Variants in CFH observed in about 807,000 individuals in gnomAD.
The protein encoded by CFH is complement factor H.
CFH carries 53 observed loss-of-function variants against 147.3 expected under a neutral mutation model. The ratio of observed to expected loss-of-function variants is 0.36; its 90% CI spans 0.29 to 0.45. The LOEUF is 0.45. Among genes scored for constraint, CFH ranks in the 20% least tolerant of loss-of-function variants. CFH has a pLI of 1.00. For missense variants in CFH, 1,380 were observed against 1,498.0 expected, an observed-to-expected ratio of 0.92 and a Z score of 1.30; for synonymous variants, 536 against 489.4, an observed-to-expected ratio of 1.10 and a Z score of -1.26.
intron 9 of CFH, among the ~76,000 whole-genome samples, chr1:196,709,133 A>G (rs1668664258): frequency 1.3e-5 from 2 of 152,156 alleles, no homozygotes; most frequent in Admixed American, 1.3e-4. Context: ...ACCAAACTAA[A>G]GAAAATATTT....
intron 9 of CFH, among the ~76,000 whole-genome samples, chr1:196,711,339 T>C (rs985698527): frequency 6.6e-6 from 1 of 152,150 alleles, no homozygotes; most frequent in Non-Finnish European, 1.5e-5. Context: ...ACTGCTCTAG[T>C]GCCATTCCAC....
chr1:196,685,815 C>T (rs537623632), intron 7 of CFH, among the ~76,000 whole-genome samples: 1 of 152,186 alleles, frequency 6.6e-6, no homozygotes, highest in East Asian at 1.9e-4. Flanking sequence ...TAAATGGCAG[C>T]TTTCTCCAGC....
intron 11 of CFH, among the ~76,000 whole-genome samples, chr1:196,719,213 T>C (rs536776455): frequency 6.6e-6 from 1 of 152,180 alleles, no homozygotes; most frequent in Non-Finnish European, 1.5e-5. Flanking sequence ...TTTTGTAAGT[T>C]ATTACCTCTA....
At chr1:196,697,130 G>A (rs1668300389) in intron 9 of CFH, among the ~76,000 whole-genome samples, 1 of 152,146 alleles carries the variant, frequency 6.6e-6, no homozygotes, top group Non-Finnish European at 1.5e-5. Flanking sequence ...AAAAGCAATG[G>A]CAACACAAGC....
Position 196,677,592 on chromosome 1 carries a change from T to C in CFH, c.544T>C (p.Tyr182His). 1 of 1,613,356 alleles carries C rather than the reference T, an allele frequency of 6.2e-7. No individual in the cohort carries two copies. The highest frequency in any genetic ancestry group is 8.5e-7 in the Non-Finnish European group (1 of 1,179,488). ...AGTACGGTTTGTATGTAACTCAGGC[T>C]ACAAGATTGAAGGAGATGAAGAAAT... ...QAVRFVCNSG[Y>H]KIEGDEEMHC... Residue 182 changes from tyrosine to histidine, a missense_variant, in exon 5 of 22, where the codon TAC becomes CAC. Physicochemically the swap from Tyr to His is moderately conservative, Grantham distance 83 (BLOSUM62 2). Around this residue, in one of 4 missense-constraint regions of CFH, gnomAD observed 260 missense variants for 263.3 expected, o/e 0.99. Transcript: ENST00000367429.
chr1:196,697,812 A>G (rs1241641497), intron 9 of CFH, among the ~76,000 whole-genome samples: 5 of 152,108 alleles, frequency 3.3e-5, no homozygotes. Context: ...ACACCATAGA[A>G]TACTATGCAG....
At chr1:196,734,198 C>G (rs1406285219) in intron 15 of CFH, among the ~76,000 whole-genome samples, 2 of 152,072 alleles carry the variant, frequency 1.3e-5, no homozygotes, top group Non-Finnish European at 2.9e-5. Context: ...CATTGTGTTG[C>G]AACTTTTCTT....
intron 9 of CFH, among the ~76,000 whole-genome samples, chr1:196,700,109 AT>A (rs1253714310): frequency 1.3e-5 from 2 of 152,182 alleles, no homozygotes; most frequent in Non-Finnish European, 2.9e-5. Flanking sequence ...TTAGGGAAGA[AT>A]GTACTTTCCA....
chr1:196,704,432 T>C (rs974420018), intron 9 of CFH, among the ~76,000 whole-genome samples: 20 of 152,154 alleles, frequency 1.3e-4, no homozygotes, highest in Admixed American at 6.5e-5. Context: ...CCAAACTAAA[T>C]GCTAAGATTA....
Position 196,676,016 on chromosome 1 carries a change from C to T in CFH, c.378C>T (p.Tyr126=). The T allele has an allele frequency of 1.9e-6, 3 of 1,610,550 alleles. No homozygotes were observed. The highest frequency in any genetic ancestry group is 2.2e-5 in the East Asian group (1 of 44,702). The change falls in exon 4 of 22, where the codon TAC becomes TAT. Residue 126 remains tyrosine, a synonymous_variant. Transcript: ENST00000367429. ...EGYQLLGEIN[Y]RECDTDGWTN... ...ATCAATTGCTAGGTGAGATTAATTA[C>T]CGTGAATGTGACACAGATGGATGGA...
intron 4 of CFH, 38 bp downstream of exon 4, chr1:196,676,103 A>T (rs373961921): frequency 8.1e-7 from 1 of 1,239,854 alleles, no homozygotes; most frequent in Admixed American, 1.8e-5. Flanking sequence ...ATTGAAATAA[A>T]TATCTAAGAT....
At chr1:196,737,919 G>T (rs2149113671) in intron 17 of CFH, among the ~76,000 whole-genome samples, 1 of 152,160 alleles carries the variant, frequency 6.6e-6, no homozygotes, top group African/African-American at 2.4e-5. Flanking sequence ...TTCTCATGCT[G>T]CCATAAAGAA....
chr1:196,662,843 T>G (rs1472120377), intron 1 of CFH, among the ~76,000 whole-genome samples: 1 of 151,890 alleles, frequency 6.6e-6, no homozygotes, highest in Non-Finnish European at 1.5e-5. Context: ...ATCACACCAC[T>G]GCACTCCAGC....
intron 21 of CFH, among the ~76,000 whole-genome samples, chr1:196,746,732 TA>T (rs1442713364): frequency 2.6e-5 from 4 of 152,206 alleles, no homozygotes; most frequent in Non-Finnish European, 5.9e-5. Flanking sequence ...TTATTAGCTC[TA>T]AATATCACTA....
chr1:196,726,737 ACT>A (rs1491366146), intron 13 of CFH, 22 bp from the exon 14 acceptor site: 26 of 1,612,684 alleles, frequency 1.6e-5, no homozygotes, highest in Admixed American at 5.0e-5. Flanking sequence ...TTCACAATAA[ACT>A]TTTTTTGTAA....
intron 11 of CFH, among the ~76,000 whole-genome samples, chr1:196,718,656 A>G (rs1286713125): frequency 6.6e-6 from 1 of 152,088 alleles, no homozygotes; most frequent in Non-Finnish European, 1.5e-5. Context: ...AGAAGCTTTT[A>G]CAATTTTGAG....
chr1:196,747,435 A>G lies in CFH; in HGVS notation c.*122A>G, dbSNP rs533206495. 6 of 1,195,708 alleles carry G rather than the reference A, an allele frequency of 5.0e-6. No homozygotes were observed. The Admixed American group carries it at 1.2e-4, about 24-fold the overall frequency. 74.1% of individuals were successfully genotyped at this position (1,195,708 alleles called of 1,614,324 possible). A position where few individuals can be genotyped will look rare whatever the true frequency, so the allele number is the denominator to read the frequency against. Reference sequence around the variant, plus strand: ...ACGTAAAATTTTGGATTAATTTGTGAAAATGTAATTATAAGCTGAGACCGG... The same window carrying G: ...ACGTAAAATTTTGGATTAATTTGTGGAAATGTAATTATAAGCTGAGACCGG... On this transcript the variant is annotated 3_prime_UTR_variant, in exon 22 of 22. Transcript: ENST00000367429.
At chr1:196,661,620 A>C (rs1366714258) in intron 1 of CFH, among the ~76,000 whole-genome samples, 1 of 152,160 alleles carries the variant, frequency 6.6e-6, no homozygotes, top group Non-Finnish European at 1.5e-5. Context: ...CACCTTCACG[A>C]CCTAATCACT....
chr1:196,684,403 A>C (rs1322794365), intron 6 of CFH, among the ~76,000 whole-genome samples: 2 of 151,996 alleles, frequency 1.3e-5, no homozygotes, highest in Non-Finnish European at 2.9e-5. Context: ...TAAGATATTA[A>C]GACTGAAGTT....
Sources: allele counts gnomAD v4.1 joint callset (sites outside exome capture counted in the v4.1 genomes callset), GRCh38; gene constraint gnomAD v4.1.1; regional missense constraint gnomAD v4.1.1; transcripts MANE v1.5; gene names NCBI Gene and HGNC (gene_info 2026-07-23, HGNC 2026-07-21).